Variants in C11orf65 observed in about 807,000 individuals in gnomAD.
The protein encoded by C11orf65 is chromosome 11 open reading frame 65, also known as protein MFI.
C11orf65 carries 38 observed loss-of-function variants against 35.3 expected under a neutral mutation model. That is an observed-to-expected ratio of 1.08 (90% CI 0.83 to 1.41). C11orf65 has a LOEUF of 1.41. Ranked by LOEUF, C11orf65 falls within the 40% of genes most tolerant of loss-of-function variation. C11orf65 has a pLI of 0.00. For synonymous variants in C11orf65, 105 were observed against 114.4 expected, an observed-to-expected ratio of 0.92 and a Z score of 0.53; for missense variants, 370 against 367.1, an observed-to-expected ratio of 1.01 and a Z score of -0.06.
intron 6 of C11orf65, chr11:108,326,276 C>A (rs756147757): frequency 6.3e-7 from 1 of 1,593,874 alleles, no homozygotes; most frequent in East Asian, 2.2e-5. Context: ...TTTAAAAAAA[C>A]ACAAATGTAC....
chr11:108,312,485 G>T lies in C11orf65; in HGVS notation c.641-3414C>A, dbSNP rs1188125296. The T allele has an allele frequency of 7.6e-6, 12 of 1,570,434 alleles. No individual in the cohort carries two copies. The highest frequency in any genetic ancestry group is 9.6e-6 in the Non-Finnish European group (11 of 1,140,838). ...AGTGAAAAAAGTAAAGAAGAAACTG[G>T]AATAAGTTTACAGGTAAATATTAGA... On this transcript the variant is annotated intron_variant, in intron 6 of 6. Transcript: ENST00000525729.
In C11orf65 at chr11:108,410,198, T is replaced by C. The variant is rs146566418; in HGVS notation, c.175-3049A>G. 2.5e-3 allele frequency among the ~76,000 whole-genome samples: 388 copies of C among 152,312 alleles called. 2 individuals are homozygous for C. The highest frequency in any genetic ancestry group is 8.0e-3 in the African/African-American group (334 of 41,564). ...ATGAGTTCTGGTTGCTCCGTCTCTT[T>C]ATCAACATTTGGTACTGTCAATCCT... On this transcript the variant is annotated intron_variant, in intron 3 of 8. Transcript: ENST00000393084.
chr11:108,344,574 G>A (rs2088054642), intron 2 of C11orf65, among the ~76,000 whole-genome samples: 1 of 152,112 alleles, frequency 6.6e-6, no homozygotes, highest in African/African-American at 2.4e-5. Flanking sequence ...GGCACTGTGG[G>A]TTCTATTTTT....
In C11orf65 at chr11:108,326,041, T is replaced by A. The variant is rs2136330155; in HGVS notation, c.641-16970A>T. ...AGTAGTAAAAGTATTTATTCCCATATGTCATTTTCATTTCAGCTCCCTGAA... is the reference window on the plus strand; with the variant it reads ...AGTAGTAAAAGTATTTATTCCCATAAGTCATTTTCATTTCAGCTCCCTGAA... On this transcript the variant is annotated intron_variant, in intron 6 of 6. Coordinates refer to the C11orf65 transcript ENST00000525729. 2 of 1,612,688 alleles carry A rather than the reference T, an allele frequency of 1.2e-6. No homozygotes were observed. The highest frequency in any genetic ancestry group is 8.5e-7 in the Non-Finnish European group (1 of 1,178,842).
chr11:108,316,175 T>A (rs1257038863), intron 6 of C11orf65: 1 of 1,423,666 alleles, frequency 7.0e-7, no homozygotes, highest in Non-Finnish European at 9.9e-7. Flanking sequence ...TATTTCAGTA[T>A]GTTGGTGGAT....
At chr11:108,345,527 G>A (rs998941043) in intron 2 of C11orf65, among the ~76,000 whole-genome samples, 5 of 152,114 alleles carry the variant, frequency 3.3e-5, no homozygotes, top group Non-Finnish European at 5.9e-5. Context: ...AGTCACTGTA[G>A]GTGTGCTTCC....
chr11:108,468,195 C>G (rs1009735213), upstream of C11orf65, among the ~76,000 whole-genome samples: 2 of 152,162 alleles, frequency 1.3e-5, no homozygotes, highest in Middle Eastern at 3.2e-3. Context: ...ACTGATCCTT[C>G]TAGCTATTTG....
chr11:108,450,035 C>T (rs2093324777), intron 2 of C11orf65, among the ~76,000 whole-genome samples: 1 of 151,972 alleles, frequency 6.6e-6, no homozygotes, highest in South Asian at 2.1e-4. Flanking sequence ...TGAAAAAATG[C>T]TCATCATCAC....
chr11:108,443,951 G>C (rs2093205920), intron 2 of C11orf65, among the ~76,000 whole-genome samples: 1 of 151,990 alleles, frequency 6.6e-6, no homozygotes, highest in African/African-American at 2.4e-5. Context: ...CTAGCAGAAG[G>C]CAAGAAATAA....
intron 3 of C11orf65, among the ~76,000 whole-genome samples, chr11:108,426,035 A>G (rs971743558): frequency 9.2e-5 from 14 of 152,186 alleles, no homozygotes; most frequent in African/African-American, 3.1e-4. Flanking sequence ...ACCCACAGCC[A>G]ATACCATACT....
At chr11:108,334,787 A>C (rs189079243) in intron 3 of C11orf65, among the ~76,000 whole-genome samples, 1 of 152,324 alleles carries the variant, frequency 6.6e-6, no homozygotes, top group African/African-American at 2.4e-5. Context: ...ATCTTTGATG[A>C]AACAGTAGTT....
rs2091400908 is a variant in C11orf65 at position 108,367,592 on chromosome 11, T to G, written c.226+25616A>C. 4 of 207,476 alleles carry G rather than the reference T, an allele frequency of 1.9e-5. No homozygotes were observed. The South Asian group carries it at 7.5e-4, about 39-fold the overall frequency. 12.9% of individuals were successfully genotyped at this position (207,476 alleles called of 1,614,324 possible). Reference sequence around the variant, plus strand: ...CATCCCAGCTGCGGAGATTAACAAATGGGTGATTGAGCTTTCTCCTCGTAT... The same window carrying G: ...CATCCCAGCTGCGGAGATTAACAAAGGGGTGATTGAGCTTTCTCCTCGTAT... On this transcript the variant is annotated intron_variant, in intron 2 of 3. Transcript: ENST00000524755.
intron 2 of C11orf65, chr11:108,355,107 T>A: frequency 1.9e-6 from 1 of 530,610 alleles, no homozygotes. Context: ...TTGTAAGTAG[T>A]CTCTAGTTTT....
intron 1 of C11orf65, among the ~76,000 whole-genome samples, chr11:108,464,281 T>G (rs2093506584): frequency 6.6e-6 from 1 of 152,110 alleles, no homozygotes; most frequent in African/African-American, 2.4e-5. Flanking sequence ...ACAAAAGGTA[T>G]GCACATATAT....
Position 108,406,788 on chromosome 11 carries a change from T to C in C11orf65, c.404A>G (p.Asn135Ser). Residue 135 changes from asparagine to serine, a missense_variant, in exon 5 of 9, where the codon AAT (asparagine) becomes AGT (serine). By Grantham distance (46) the Asn-to-Ser change is conservative. Transcript: ENST00000393084. ...TGTATCAGAAACTGGCCTCCAGCCA[T>C]TGTTTTCTATACGATGATACCAGCC... The part of the protein sequence containing the change: ...HSGWYHRIEN[N>S]GWRPVSDTFW... 6.2e-7 allele frequency: 1 copy of C among 1,606,464 alleles called. No individual in the cohort carries two copies. Among genetic ancestry groups the C allele is most frequent in the Non-Finnish European group, 8.5e-7 (1 of 1,175,472 alleles).
chr11:108,372,462 G>T (rs1384684143), intron 2 of C11orf65, among the ~76,000 whole-genome samples: 1 of 152,156 alleles, frequency 6.6e-6, no homozygotes, highest in African/African-American at 2.4e-5. Flanking sequence ...CAAAGTGCTG[G>T]GATTACAGGC....
chr11:108,317,600 A>G, intron 6 of C11orf65: 6 of 976,230 alleles, frequency 6.1e-6, no homozygotes, highest in Non-Finnish European at 8.8e-6. Context: ...TTCTATGAAT[A>G]TAACAGGAGT....
At position 108,320,066 on chromosome 11, in the gene C11orf65, GAA is replaced by G. The variant is rs1187485566; in HGVS notation, c.641-10997_641-10996del. On this transcript the variant is annotated intron_variant, in intron 6 of 6. Transcript: ENST00000525729. ...AAGTCTCAAATATGCCAGGTATTAT[GAA>G]AAGACAAAGTTACTGTATTTTAACA... 1.3e-6 allele frequency: 2 copies of G among 1,561,326 alleles called. No homozygotes were observed. The highest frequency in any genetic ancestry group is 3.3e-5 in the Admixed American group (2 of 59,834).
At chr11:108,445,494 T>C (rs1280278211) in intron 2 of C11orf65, among the ~76,000 whole-genome samples, 1 of 152,172 alleles carries the variant, frequency 6.6e-6, no homozygotes, top group Non-Finnish European at 1.5e-5. Context: ...CCACCACTGC[T>C]GATACCCAGG....
Sources: allele counts gnomAD v4.1 joint callset (sites outside exome capture counted in the v4.1 genomes callset), GRCh38; gene constraint gnomAD v4.1.1; transcripts MANE v1.5; gene names NCBI Gene and HGNC (gene_info 2026-07-23, HGNC 2026-07-21).